The following ZFYVE21 variants were observed in gnomAD, a reference collection of about 807,000 sequenced individuals.
The protein encoded by ZFYVE21 is zinc finger FYVE-type containing 21, also known as zinc finger FYVE domain-containing protein 21.
Under a neutral mutation model 29.5 loss-of-function variants are expected in ZFYVE21, and 21 were observed. That is an observed-to-expected ratio of 0.71 (90% CI 0.50 to 1.02). ZFYVE21 has a LOEUF of 1.02. Ranked by LOEUF, ZFYVE21 falls within the 50% of genes least tolerant of loss-of-function variation. The pLI is 0.00. For synonymous variants in ZFYVE21, 151 were observed against 133.8 expected, an observed-to-expected ratio of 1.13 and a Z score of -0.89; for missense variants, 326 against 335.4, an observed-to-expected ratio of 0.97 and a Z score of 0.22.
intron 1 of ZFYVE21, among the ~76,000 whole-genome samples, chr14:103,722,724 C>G (rs948495037): frequency 4.0e-5 from 6 of 151,256 alleles, no homozygotes; most frequent in Non-Finnish European, 5.9e-5. Flanking sequence ...GAGGCTGAGG[C>G]GGGAGAATGA....
At chr14:103,719,454 CAAA>C (rs61173072) in intron 1 of ZFYVE21, among the ~76,000 whole-genome samples, 1 of 56,846 alleles carries the variant, frequency 1.8e-5, no homozygotes, top group Non-Finnish European at 3.6e-5. Context: ...GACTCTGTCT[CAAA>C]AAAAAAAAAA....
intron 3 of ZFYVE21, 145 bp downstream of exon 3, chr14:103,728,059 GT>G: frequency 1.1e-6 from 1 of 900,468 alleles, no homozygotes; most frequent in Non-Finnish European, 1.6e-6. Flanking sequence ...TTCTGGATTC[GT>G]TTAGAAGCGG....
At chr14:103,726,641 C>T in intron 1 of ZFYVE21, 151 bp from the exon 2 acceptor site, 9 of 967,962 alleles carry the variant, frequency 9.3e-6, no homozygotes, top group Non-Finnish European at 1.4e-5. Flanking sequence ...GCGGCCAGTC[C>T]ACCGTCCTGC....
chr14:103,722,902 A>G (rs2083885850), intron 1 of ZFYVE21, among the ~76,000 whole-genome samples: 1 of 151,882 alleles, frequency 6.6e-6, no homozygotes, highest in Non-Finnish European at 1.5e-5. Flanking sequence ...CTCCTGCCTC[A>G]GCCTCCCAAA....
At position 103,727,910 on chromosome 14, in the gene ZFYVE21, G is replaced by A. The variant is rs747776282; in HGVS notation, c.354G>A (p.Leu118=). 1 of 1,611,318 alleles carries A rather than the reference G, an allele frequency of 6.2e-7. No individual in the cohort carries two copies. The highest frequency in any genetic ancestry group is 2.2e-5 in the East Asian group (1 of 44,782). Residue 118 remains leucine (L), a synonymous_variant, in exon 3 of 7, where the codon CTG becomes CTA. Coordinates refer to ENST00000311141, the MANE Select transcript of ZFYVE21 (RefSeq NM_024071.4). ...EFYDKQLKVL[L]SGATFLVTFG... ...ACGACAAGCAGCTCAAAGTGCTCCT[G>A]AGCGGTAAGGACGGGTGTCCTGCAC... is the stretch of plus-strand genomic sequence containing the variant.
chr14:103,725,976 C>A (rs1436551511), intron 1 of ZFYVE21: 1 of 152,300 alleles, frequency 6.6e-6, no homozygotes, highest in African/African-American at 2.4e-5. Flanking sequence ...CAGTCACCTT[C>A]CTGTTTCTGT....
intron 1 of ZFYVE21, among the ~76,000 whole-genome samples, chr14:103,717,939 T>G (rs2083841494): frequency 6.6e-6 from 1 of 152,202 alleles, no homozygotes; most frequent in South Asian, 2.1e-4. Context: ...GCTGGAAGAT[T>G]TGGAATAAAG....
Position 103,733,162 on chromosome 14 carries a change from A to AG in ZFYVE21, c.*145dup. On this transcript the variant is annotated 3_prime_UTR_variant, in exon 7 of 7. Transcript: ENST00000311141. Reference sequence around the variant, plus strand: ...TCACTCATGTATTTGGAGAAACAGGAGTGTTCACTTATCTAGTGCAATATG... The same window carrying AG: ...TCACTCATGTATTTGGAGAAACAGGAGGTGTTCACTTATCTAGTGCAATATG... 1.0e-6 allele frequency: 1 copy of AG among 975,086 alleles called. No individual in the cohort carries two copies. The highest frequency in any genetic ancestry group is 1.6e-5 in the South Asian group (1 of 62,558). 60.4% of individuals were successfully genotyped at this position (975,086 alleles called of 1,614,324 possible).
chr14:103,728,177 A>G, intron 3 of ZFYVE21: 1 of 388,854 alleles, frequency 2.6e-6, no homozygotes. Context: ...GGGCCCAGGC[A>G]GCACCTTCCT....
intron 1 of ZFYVE21, among the ~76,000 whole-genome samples, chr14:103,721,150 C>A (rs1437450721): frequency 6.6e-6 from 1 of 152,140 alleles, no homozygotes; most frequent in Non-Finnish European, 1.5e-5. Context: ...TTGCTCGCGG[C>A]CATCTTGCTT....
rs2083817604 is a variant in ZFYVE21 at position 103,716,559 on chromosome 14, G to GC, written c.138+586dup. 6.6e-6 allele frequency among the ~76,000 whole-genome samples: 1 copy of GC among 152,218 alleles called. No individual in the cohort carries two copies. The highest frequency in any genetic ancestry group is 1.5e-5 in the Non-Finnish European group (1 of 68,030). On this transcript the variant is annotated intron_variant, in intron 1 of 6. Transcript: ENST00000311141. This position sits in a 1 kb window ranked among gnomAD's most constrained non-coding sequence, Gnocchi z 4.8. The stretch of plus-strand genomic sequence containing the variant: ...CAGGACCCAGTCTGCGGGCCAGGCT[G>GC]CCCCCCGTTTCCCTTCGTCTATACC...
At chr14:103,729,921 C>A in intron 5 of ZFYVE21, 1 of 1,493,680 alleles carries the variant, frequency 6.7e-7, no homozygotes, top group Non-Finnish European at 9.0e-7. Context: ...TGGCTTCTGT[C>A]CACGGGGTGG....
intron 1 of ZFYVE21, among the ~76,000 whole-genome samples, chr14:103,724,290 G>T (rs566938564): frequency 3.2e-4 from 49 of 152,352 alleles, no homozygotes; most frequent in Non-Finnish European, 5.9e-4. Context: ...AGTGTTCGCC[G>T]GCCCAGGGTT....
chr14:103,726,618 A>C (rs1375914812), intron 1 of ZFYVE21, 174 bp from the exon 2 acceptor site: 1 of 774,588 alleles, frequency 1.3e-6, no homozygotes, highest in Non-Finnish European at 2.2e-6. Flanking sequence ...TTGGCTCTGG[A>C]GCCTGGGCAC....
At chr14:103,722,205 T>C (rs1414846434) in intron 1 of ZFYVE21, among the ~76,000 whole-genome samples, 1 of 152,226 alleles carries the variant, frequency 6.6e-6, no homozygotes, top group Admixed American at 6.5e-5. Context: ...CTGTTGATAA[T>C]TTTTTAAATT....
rs75844898 is a variant in ZFYVE21, at chr14:103,720,248, C to T, written c.138+4269C>T. Among the ~76,000 whole-genome samples, 941 of 152,352 alleles carry T rather than the reference C, an allele frequency of 6.2e-3. 11 individuals carry two copies. The highest frequency in any genetic ancestry group is 0.022 in the African/African-American group (903 of 41,578). The stretch of plus-strand genomic sequence containing the variant: ...CTGGGTTTTTAGTCTTATTGGTTCT[C>T]TCATTAACTAATGAGGTAAATCTTT... On this transcript the variant is annotated intron_variant, in intron 1 of 6. Coordinates refer to ENST00000311141, the MANE Select transcript of ZFYVE21 (RefSeq NM_024071.4).
At chr14:103,723,869 C>T (rs1422567870) in intron 1 of ZFYVE21, among the ~76,000 whole-genome samples, 3 of 152,224 alleles carry the variant, frequency 2.0e-5, no homozygotes, top group Admixed American at 6.5e-5. Flanking sequence ...GTGTGGGTCC[C>T]GCAGGCTGGA....
At chr14:103,728,812 T>C (rs1269099160) in intron 3 of ZFYVE21, 96 bp from the exon 4 acceptor site, 10 of 1,202,758 alleles carry the variant, frequency 8.3e-6, no homozygotes, top group Non-Finnish European at 1.2e-5. Flanking sequence ...GTTTTTACTC[T>C]GTCCTCTGTG....
At position 103,732,722 on chromosome 14, in the gene ZFYVE21, G is replaced by C. The variant is rs1006837410; in HGVS notation, c.629G>C (p.Gly210Ala). The C allele has an allele frequency of 2.5e-6, 4 of 1,613,484 alleles. No individual in the cohort carries two copies. In the South Asian group the frequency reaches 4.4e-5, roughly 18 times the overall value. The change falls in exon 6 of 7, where the codon GGC becomes GCC. Residue 210 changes from glycine to alanine, a missense_variant. Transcript: ENST00000311141. ...KLTVVEDVTV[G>A]RRQAVAWLVA... ...ACAGTGGTGGAGGACGTGACTGTGGGCAGGAGGCAGGCGGTGGCGTGGCTA... is the reference window on the plus strand; with the variant it reads ...ACAGTGGTGGAGGACGTGACTGTGGCCAGGAGGCAGGCGGTGGCGTGGCTA...
Sources: gnomAD v4.1 joint callset for allele counts (sites outside exome capture counted in the v4.1 genomes callset) on GRCh38, gnomAD v4.1.1 for gene constraint, Gnocchi (gnomAD v3.1) non-coding constraint, MANE v1.5 for transcripts, NCBI Gene and HGNC (gene_info 2026-07-23, HGNC 2026-07-21) for gene names.